CDH13: variants seen among roughly 807,000 people sequenced by gnomAD.
CDH13 encodes cadherin-13.
CDH13 carries 24 observed loss-of-function variants against 63.8 expected under a neutral mutation model. The observed-to-expected ratio is 0.38, with a 90% CI of 0.27 to 0.53. CDH13 has a LOEUF of 0.53. CDH13 is among the 20% of genes least tolerant of loss of function. The probability of loss-of-function intolerance (pLI) is 0.85; values close to 1 mark genes in which losing one functional copy is unlikely to be tolerated. For missense variants in CDH13, 1,049 were observed against 903.1 expected (o/e 1.16, Z -2.07); for synonymous variants, 503 against 355.3 (o/e 1.42, Z -4.67).
chr16:83,458,079 A>G (rs904282170), intron 6 of CDH13, among the ~76,000 whole-genome samples: 8 of 152,178 alleles, frequency 5.3e-5, no homozygotes, highest in African/African-American at 9.7e-5. Flanking sequence ...CACTGTCGCC[A>G]TTACAGACAG....
At chr16:83,035,133 T>C (rs563150529) in intron 3 of CDH13, among the ~76,000 whole-genome samples, 1 of 152,062 alleles carries the variant, frequency 6.6e-6, no homozygotes, top group Non-Finnish European at 1.5e-5. Flanking sequence ...ACAAAATAGA[T>C]AGCAAAAGAA....
chr16:83,248,765 T>A (rs1905208561), intron 5 of CDH13, among the ~76,000 whole-genome samples: 1 of 152,132 alleles, frequency 6.6e-6, no homozygotes, highest in Non-Finnish European at 1.5e-5. Flanking sequence ...TCCCTCACAA[T>A]CTTAACCACA....
At chr16:82,635,481 G>A (rs1394867275) in intron 1 of CDH13, among the ~76,000 whole-genome samples, 1 of 152,236 alleles carries the variant, frequency 6.6e-6, no homozygotes, top group Non-Finnish European at 1.5e-5. Flanking sequence ...CAGAGCCAAT[G>A]GGGCCATGTC....
intron 5 of CDH13, among the ~76,000 whole-genome samples, chr16:83,253,726 C>T (rs1428631215): frequency 6.6e-6 from 1 of 152,194 alleles, no homozygotes; most frequent in Non-Finnish European, 1.5e-5. Flanking sequence ...CAGGGGCTGG[C>T]ACTGTTCTCA....
intron 2 of CDH13, among the ~76,000 whole-genome samples, chr16:83,009,095 G>A (rs1346116036): frequency 6.6e-6 from 1 of 152,184 alleles, no homozygotes; most frequent in African/African-American, 2.4e-5. Flanking sequence ...ACCCCATGTG[G>A]GGATTATGGA....
rs868135780 is a variant in CDH13 at position 83,578,434 on chromosome 16, A to G, written c.961-24020A>G. Among the ~76,000 whole-genome samples, 2 of 152,192 alleles carry G rather than the reference A, an allele frequency of 1.3e-5. 1 individual carries two copies. The highest frequency in any genetic ancestry group is 2.9e-5 in the Non-Finnish European group (2 of 68,032). On this transcript the variant is annotated intron_variant, in intron 7 of 13. Transcript: ENST00000567109. ...TAACCCTGGAAGGTCCCAGGCTGAA[A>G]TATGCTACAGGGAGACACAAATAAG...
At chr16:82,873,696 TAA>T (rs1205300831) in intron 2 of CDH13, among the ~76,000 whole-genome samples, 2 of 152,182 alleles carry the variant, frequency 1.3e-5, no homozygotes, top group Non-Finnish European at 2.9e-5. Flanking sequence ...ATTTTTATTT[TAA>T]AAAGTTGGTT....
chr16:82,992,227 C>T (rs1310774808), intron 2 of CDH13, among the ~76,000 whole-genome samples: 4 of 152,174 alleles, frequency 2.6e-5, no homozygotes, highest in African/African-American at 9.7e-5. Flanking sequence ...ATGGCCTTAT[C>T]TGTTTCAGTA....
At chr16:82,818,145 G>C (rs2037817306) in intron 1 of CDH13, among the ~76,000 whole-genome samples, 1 of 144,854 alleles carries the variant, frequency 6.9e-6, no homozygotes, top group Non-Finnish European at 1.5e-5. Flanking sequence ...TGTGTTTTGG[G>C]AAGACTAATT....
At chr16:82,937,892 A>G (rs2042719959) in intron 2 of CDH13, among the ~76,000 whole-genome samples, 1 of 152,228 alleles carries the variant, frequency 6.6e-6, no homozygotes, top group African/African-American at 2.4e-5. Context: ...ATGGAGGTAA[A>G]AATATTTTTA....
In CDH13 at chr16:83,795,552, A is replaced by G. The variant is rs551991519; in HGVS notation, c.*522A>G. 1 of 154,092 alleles carries G rather than the reference A, an allele frequency of 6.5e-6. No individual in the cohort carries two copies. The highest frequency in any genetic ancestry group is 2.0e-4 in the South Asian group (1 of 4,918). The allele number at this position is 154,092 out of a possible 1,614,324, so 9.5% of individuals were successfully genotyped here. ...CCCGCATCAAGGTCAGCATGAGGAC[A>G]GACCACAGAGCTGTCACTTTTGCTC... On this transcript the variant is annotated 3_prime_UTR_variant, in exon 14 of 14. Coordinates refer to ENST00000567109, the MANE Select transcript of CDH13 (RefSeq NM_001257.5).
At chr16:83,243,915 G>T (rs6565163) in intron 5 of CDH13, among the ~76,000 whole-genome samples, 91,706 of 151,970 alleles carry the variant, frequency 0.6, 28,802 homozygotes, top group East Asian at 0.95. Context: ...ATCACCATTT[G>T]AAGTGTTTTC....
At chr16:82,987,824 A>G (rs8061888) in intron 2 of CDH13, among the ~76,000 whole-genome samples, 41,810 of 152,164 alleles carry the variant, frequency 0.27, 5,889 homozygotes, top group Middle Eastern at 0.31. Context: ...AGACTCAAGG[A>G]TTTTGTGTTG....
At chr16:83,116,167 C>T (rs1297670669) in intron 3 of CDH13, among the ~76,000 whole-genome samples, 1 of 152,214 alleles carries the variant, frequency 6.6e-6, no homozygotes, top group African/African-American at 2.4e-5. Flanking sequence ...CAAAAGTGAG[C>T]ACTTCTTCGC....
intron 2 of CDH13, among the ~76,000 whole-genome samples, chr16:82,866,834 C>T (rs539845857): frequency 3.6e-4 from 55 of 152,234 alleles, no homozygotes; most frequent in Admixed American, 7.8e-4. Flanking sequence ...CATCAGTTCT[C>T]GTGAGAACTC....
At chr16:83,201,688 G>C (rs1040925470) in intron 4 of CDH13, among the ~76,000 whole-genome samples, 1 of 151,606 alleles carries the variant, frequency 6.6e-6, no homozygotes, top group Non-Finnish European at 1.5e-5. Flanking sequence ...ACGAGGTCAG[G>C]AGATCGAGAC....
At chr16:82,647,164 A>T (rs1253160668) in intron 1 of CDH13, among the ~76,000 whole-genome samples, 1 of 152,186 alleles carries the variant, frequency 6.6e-6, no homozygotes, top group African/African-American at 2.4e-5. Context: ...CAGATCTATG[A>T]AATGTCGGCA....
chr16:83,064,660 C>G (rs929726560), intron 3 of CDH13, among the ~76,000 whole-genome samples: 10 of 152,110 alleles, frequency 6.6e-5, no homozygotes, highest in African/African-American at 2.4e-4. Context: ...CTTTCCAATT[C>G]AGACTAGCCA....
intron 1 of CDH13, among the ~76,000 whole-genome samples, chr16:82,792,627 C>A (rs1003999728): frequency 6.6e-6 from 1 of 152,148 alleles, no homozygotes; most frequent in Non-Finnish European, 1.5e-5. Context: ...ACTCTGAGGA[C>A]AAAGCCTGGT....
Sources: gnomAD v4.1 joint callset for allele counts (sites outside exome capture counted in the v4.1 genomes callset) on GRCh38, gnomAD v4.1.1 for gene constraint, MANE v1.5 for transcripts, NCBI Gene and HGNC (gene_info 2026-07-23, HGNC 2026-07-21) for gene names.